The following GPC5 variants were observed in gnomAD, a reference collection of about 807,000 sequenced individuals.
GPC5 encodes glypican-5.
In GPC5, 47 loss-of-function variants were observed where a neutral mutation model predicts 53.9. The observed-to-expected ratio is 0.87, with a 90% CI of 0.69 to 1.11. The LOEUF is 1.11. Among genes scored for constraint, GPC5 ranks in the 50% most tolerant of loss-of-function variants. The pLI is 0.00. For missense variants in GPC5, 748 were observed against 713.1 expected, an observed-to-expected ratio of 1.05 and a Z score of -0.56; for synonymous variants, 286 against 263.3, an observed-to-expected ratio of 1.09 and a Z score of -0.84.
At chr13:91,707,082 A>T (rs914115529) in intron 3 of GPC5, among the ~76,000 whole-genome samples, 178 of 152,230 alleles carry the variant, frequency 1.2e-3, no homozygotes, top group African/African-American at 4.0e-3. Flanking sequence ...TACTGTCAAT[A>T]TATGACATGG....
chr13:92,676,918 C>T (rs1886961709), intron 7 of GPC5, among the ~76,000 whole-genome samples: 1 of 151,484 alleles, frequency 6.6e-6, no homozygotes, highest in South Asian at 2.1e-4. Flanking sequence ...GTTAAAAATA[C>T]ACACACACAC....
chr13:92,527,150 A>AAG (rs1281521297), intron 7 of GPC5, among the ~76,000 whole-genome samples: 2 of 125,392 alleles, frequency 1.6e-5, no homozygotes, highest in Admixed American at 8.6e-5. Flanking sequence ...GAAAGAAAGA[A>AAG]AGAAAGAAAG....
chr13:92,561,457 A>G (rs1882690944), intron 7 of GPC5, among the ~76,000 whole-genome samples: 1 of 152,178 alleles, frequency 6.6e-6, no homozygotes, highest in Admixed American at 6.6e-5. Flanking sequence ...TAAAATAAGA[A>G]TGATCCCAAT....
chr13:91,639,621 ATCT>A (rs1344485743), intron 2 of GPC5, among the ~76,000 whole-genome samples: 1 of 147,792 alleles, frequency 6.8e-6, no homozygotes, highest in Non-Finnish European at 1.5e-5. Context: ...ATTGCACTTA[ATCT>A]TTCATTGTTA....
At chr13:91,528,799 G>T (rs1382863234) in intron 2 of GPC5, among the ~76,000 whole-genome samples, 2 of 152,194 alleles carry the variant, frequency 1.3e-5, no homozygotes, top group Non-Finnish European at 2.9e-5. Flanking sequence ...ATGGTGGAAG[G>T]TGGAAGGGAA....
chr13:92,780,851 G>T (rs942832609), intron 7 of GPC5, among the ~76,000 whole-genome samples: 7 of 151,806 alleles, frequency 4.6e-5, no homozygotes, highest in South Asian at 2.1e-4. Flanking sequence ...TGCTTTTAAA[G>T]GAATTTTTTA....
chr13:92,070,399 C>T (rs1314996890), intron 6 of GPC5, among the ~76,000 whole-genome samples: 3 of 152,106 alleles, frequency 2.0e-5, no homozygotes, highest in Admixed American at 6.5e-5. Context: ...TCTCCTCTGC[C>T]GTGAAAACTC....
intron 6 of GPC5, among the ~76,000 whole-genome samples, chr13:92,137,099 A>G (rs1296857175): frequency 6.6e-6 from 1 of 151,912 alleles, no homozygotes; most frequent in Non-Finnish European, 1.5e-5. Context: ...TTGGTTTCTC[A>G]GTTTTACGGA....
intron 4 of GPC5, among the ~76,000 whole-genome samples, chr13:91,735,717 G>A (rs373699324): frequency 6.6e-6 from 1 of 151,190 alleles, no homozygotes; most frequent in East Asian, 1.9e-4. Context: ...GGTTTTCTGT[G>A]TGGATGATCA....
chr13:91,512,347 T>C (rs927487796), intron 2 of GPC5, among the ~76,000 whole-genome samples: 7 of 152,194 alleles, frequency 4.6e-5, no homozygotes. Context: ...TATTCTTCTG[T>C]CTCCAGTCAT....
intron 7 of GPC5, among the ~76,000 whole-genome samples, chr13:92,466,412 T>C (rs1878693930): frequency 1.3e-5 from 2 of 152,064 alleles, no homozygotes; most frequent in Non-Finnish European, 2.9e-5. Context: ...TAAAGACTCT[T>C]GCCTCCCTGT....
At chr13:92,117,057 T>C (rs1050167581) in intron 6 of GPC5, among the ~76,000 whole-genome samples, 2 of 152,224 alleles carry the variant, frequency 1.3e-5, no homozygotes, top group Admixed American at 6.5e-5. Context: ...CAATTTATTT[T>C]TTTAACAGAT....
intron 7 of GPC5, among the ~76,000 whole-genome samples, chr13:92,370,388 A>T (rs1213571406): frequency 6.6e-6 from 1 of 152,196 alleles, no homozygotes; most frequent in Non-Finnish European, 1.5e-5. Flanking sequence ...CTTTGCAGTT[A>T]TTGCTAGATG....
chr13:91,741,320 A>T (rs1249821334), intron 4 of GPC5, among the ~76,000 whole-genome samples: 1 of 152,190 alleles, frequency 6.6e-6, no homozygotes, highest in African/African-American at 2.4e-5. Flanking sequence ...TGAGAATTTT[A>T]TCACTTGGAA....
intron 6 of GPC5, among the ~76,000 whole-genome samples, chr13:91,950,074 G>A (rs1455453750): frequency 6.6e-6 from 1 of 152,044 alleles, no homozygotes; most frequent in Non-Finnish European, 1.5e-5. Context: ...CCTATCTACA[G>A]AAAAATTTAA....
In GPC5 at chr13:92,009,923, G is replaced by T. The variant is rs563225163; in HGVS notation, c.1401+101866G>T. ...ATTTCCACTTATTTATATCATGAGG[G>T]TATATAGTCTAAGTCCAGATACTCA... On this transcript the variant is annotated intron_variant, in intron 6 of 7. Transcript: ENST00000377067. 7.2e-5 allele frequency among the ~76,000 whole-genome samples: 11 copies of T among 152,184 alleles called. No homozygotes were observed. In the East Asian group the frequency reaches 1.4e-3, roughly 19 times the overall value.
chr13:91,495,852 G>A (rs980376535), intron 2 of GPC5, among the ~76,000 whole-genome samples: 2 of 151,966 alleles, frequency 1.3e-5, no homozygotes, highest in Non-Finnish European at 2.9e-5. Context: ...GTGAAACCCC[G>A]TTTCTACTAA....
intron 7 of GPC5, among the ~76,000 whole-genome samples, chr13:92,504,971 A>C (rs2138940721): frequency 6.7e-6 from 1 of 149,098 alleles, no homozygotes; most frequent in East Asian, 1.9e-4. Context: ...ATATCTATAT[A>C]TATTTATATA....
intron 2 of GPC5, among the ~76,000 whole-genome samples, chr13:91,652,008 T>C (rs2034723214): frequency 6.6e-6 from 1 of 152,196 alleles, no homozygotes; most frequent in Non-Finnish European, 1.5e-5. Context: ...GCCTCTAGAA[T>C]ATATTAATAG....
Sources: allele counts gnomAD v4.1 joint callset (sites outside exome capture counted in the v4.1 genomes callset), GRCh38; gene constraint gnomAD v4.1.1; transcripts MANE v1.5; gene names NCBI Gene and HGNC (gene_info 2026-07-23, HGNC 2026-07-21).